TMIGD2: variants seen among roughly 807,000 people sequenced by gnomAD.
TMIGD2 encodes transmembrane and immunoglobulin domain containing 2, also known as transmembrane and immunoglobulin domain-containing protein 2.
TMIGD2 carries 18 observed loss-of-function variants against 22.6 expected under a neutral mutation model. The ratio of observed to expected loss-of-function variants is 0.80; its 90% CI spans 0.55 to 1.18. The LOEUF (loss-of-function observed/expected upper bound fraction) is 1.18. Ranked by LOEUF, TMIGD2 falls within the 50% of genes most tolerant of loss-of-function variation. The pLI is 0.00. For synonymous variants in TMIGD2, 184 were observed against 154.1 expected, an observed-to-expected ratio of 1.19 and a Z score of -1.44; for missense variants, 361 against 378.2, an observed-to-expected ratio of 0.95 and a Z score of 0.38.
exon 5 of TMIGD2, chr19:4,292,487 T>G (rs1971393878): frequency 2.6e-6 from 3 of 1,136,134 alleles, no homozygotes; most frequent in African/African-American, 1.6e-5. Flanking sequence ...TCCACCCGCC[T>G]CGGCTTCCCA....
intron 2 of TMIGD2, 105 bp downstream of exon 2, chr19:4,297,881 T>A (rs1178295534): frequency 7.4e-7 from 1 of 1,360,366 alleles, no homozygotes; most frequent in Non-Finnish European, 9.7e-7. Flanking sequence ...AAAAGTTTGA[T>A]ATGAAGAATT....
intron 1 of TMIGD2, among the ~76,000 whole-genome samples, chr19:4,299,689 C>T (rs1032038485): frequency 1.3e-5 from 2 of 151,668 alleles, no homozygotes; most frequent in Non-Finnish European, 2.9e-5. Context: ...GAGTTCGAGA[C>T]CCGTCTGGCC....
At chr19:4,301,851 C>T (rs1422483607) in intron 1 of TMIGD2, among the ~76,000 whole-genome samples, 2 of 152,270 alleles carry the variant, frequency 1.3e-5, no homozygotes, top group East Asian at 3.9e-4. Flanking sequence ...AGAAAGTCTG[C>T]TTTTAGCTGT....
chr19:4,294,858 C>T, intron 2 of TMIGD2, 42 bp from the exon 3 acceptor site: 1 of 1,530,270 alleles, frequency 6.5e-7, no homozygotes, highest in Admixed American at 2.1e-5. Context: ...CCAGGCTTCT[C>T]CACCCTCCAA....
chr19:4,292,781 A>T, exon 5 of TMIGD2: 4 of 1,611,676 alleles, frequency 2.5e-6, no homozygotes, highest in Non-Finnish European at 3.4e-6. Flanking sequence ...AAGGAGGTTG[A>T]ATAAATGCTC....
intron 2 of TMIGD2, among the ~76,000 whole-genome samples, chr19:4,296,728 C>T (rs1971465718): frequency 6.6e-6 from 1 of 152,184 alleles, no homozygotes; most frequent in African/African-American, 2.4e-5. Flanking sequence ...CGCCAGCAGG[C>T]TGGTCCTACC....
rs1043015609 is a variant in TMIGD2 at position 4,298,142 on chromosome 19, G to A, written c.250C>T (p.Gln84Ter). ...GGTGCCTGCCAGGAGAGCCGTCCCT[G>A]GGGCCCGCAGACCCCCAGGCTGAGG... is the stretch of plus-strand genomic sequence containing the variant. Residue 84 changes from glutamine (Q) to a stop codon, truncating the protein, a stop_gained, in exon 2 of 5, where the codon CAG becomes TAG. Transcript: ENST00000301272. LOFTEE classifies it high-confidence loss of function. 4 of 1,613,438 alleles carry A rather than the reference G, an allele frequency of 2.5e-6. No homozygotes were observed. Among genetic ancestry groups the A allele is most frequent in the African/African-American group, 1.3e-5 (1 of 75,014 alleles).
chr19:4,294,886 G>GTCCCCCCAAGTGA, intron 2 of TMIGD2, 70 bp from the exon 3 acceptor site: 1 of 1,423,200 alleles, frequency 7.0e-7, no homozygotes, highest in Non-Finnish European at 9.3e-7. Flanking sequence ...GCTCACTTGG[G>GTCCCCCCAAGTGA]GGGACCTAAG....
exon 5 of TMIGD2, chr19:4,292,601 A>G (rs1971395660): frequency 6.2e-7 from 1 of 1,611,174 alleles, no homozygotes; most frequent in Non-Finnish European, 8.5e-7. Context: ...GGGATCTCTC[A>G]CTCCTCTCCC....
chr19:4,292,654 G>C, exon 5 of TMIGD2: 1 of 1,608,946 alleles, frequency 6.2e-7, no homozygotes, highest in Non-Finnish European at 8.5e-7. Context: ...GGTGGGGCTT[G>C]GTCTAGGAGA....
At position 4,292,881 on chromosome 19, in the gene TMIGD2, A is replaced by AT. The variant is rs749728878; in HGVS notation, c.566dup (p.Asn189LysfsTer19). The AT allele has an allele frequency of 6.8e-6, 11 of 1,613,206 alleles. No homozygotes were observed. Among genetic ancestry groups the AT allele is most frequent in the African/African-American group, 1.3e-5 (1 of 74,802 alleles). On this transcript the variant is annotated frameshift_variant, in exon 5 of 5. Coordinates refer to ENST00000301272, the Ensembl canonical transcript of TMIGD2. LOFTEE classifies it low-confidence loss of function (END_TRUNC). ...GGTATAGGACGTTGCTGTAGAATGC[A>AT]TTTCCTAGGATGGATGACACAGACC...
At chr19:4,295,058 C>T (rs571802152) in intron 2 of TMIGD2, among the ~76,000 whole-genome samples, 1 of 151,376 alleles carries the variant, frequency 6.6e-6, no homozygotes, top group African/African-American at 2.4e-5. Flanking sequence ...GTCAGGAGTT[C>T]GAGACCAGCC....
intron 1 of TMIGD2, among the ~76,000 whole-genome samples, chr19:4,301,195 A>C (rs1445684064): frequency 6.6e-6 from 1 of 151,960 alleles, no homozygotes; most frequent in African/African-American, 2.4e-5. Flanking sequence ...CTGGTCTGGA[A>C]CTCCTGACCT....
chr19:4,293,024 C>T (rs905662727), intron 4 of TMIGD2, 139 bp from the exon 5 acceptor site: 25 of 1,304,658 alleles, frequency 1.9e-5, no homozygotes, highest in Middle Eastern at 2.1e-4. Context: ...AGTGCAGTGG[C>T]GCAATCTCGG....
At chr19:4,297,074 CT>C (rs71166981) in intron 2 of TMIGD2, among the ~76,000 whole-genome samples, 132 of 105,236 alleles carry the variant, frequency 1.3e-3, no homozygotes, top group Middle Eastern at 5.9e-3. Context: ...GAGTCTGTGG[CT>C]TTTTTTTTTT....
intron 4 of TMIGD2, among the ~76,000 whole-genome samples, chr19:4,293,196 C>G (rs1054726355): frequency 6.6e-6 from 1 of 151,298 alleles, no homozygotes; most frequent in African/African-American, 2.4e-5. Flanking sequence ...CTCCTGACCT[C>G]GTGATCCACC....
intron 1 of TMIGD2, among the ~76,000 whole-genome samples, chr19:4,301,769 G>A (rs774818527): frequency 4.6e-5 from 7 of 152,166 alleles, no homozygotes; most frequent in South Asian, 2.1e-4. Flanking sequence ...GGAGGTTTTC[G>A]CCCCAGGAAA....
At chr19:4,294,628 C>T in exon 4 of TMIGD2, 1 of 1,608,724 alleles carries the variant, frequency 6.2e-7, no homozygotes, top group Non-Finnish European at 8.5e-7. Flanking sequence ...AGGCACCCCA[C>T]ACGATCGCAG....
chr19:4,299,297 C>T (rs1489368764), intron 1 of TMIGD2, among the ~76,000 whole-genome samples: 1 of 151,650 alleles, frequency 6.6e-6, no homozygotes, highest in East Asian at 1.9e-4. Flanking sequence ...GGCATGTAAC[C>T]ACTATGCCTG....
Sources: gnomAD v4.1 joint callset for allele counts (sites outside exome capture counted in the v4.1 genomes callset) on GRCh38, gnomAD v4.1.1 for gene constraint, MANE v1.5 for transcripts, NCBI Gene and HGNC (gene_info 2026-07-23, HGNC 2026-07-21) for gene names.